The following SPATA6 variants were observed in gnomAD, a reference collection of about 807,000 sequenced individuals.
SPATA6 encodes the protein spermatogenesis associated 6, also known as spermatogenesis-associated protein 6.
In SPATA6, 56 loss-of-function variants were observed where a neutral mutation model predicts 65.3. The observed-to-expected ratio is 0.86, with a 90% CI of 0.69 to 1.07. The LOEUF (loss-of-function observed/expected upper bound fraction) is 1.07, where lower values mean the gene tolerates loss of function less well. Among genes scored for constraint, SPATA6 ranks in the 50% least tolerant of loss-of-function variants. The pLI is 0.00. For missense variants in SPATA6, 590 were observed against 594.8 expected, an observed-to-expected ratio of 0.99 and a Z score of 0.08; for synonymous variants, 199 against 213.2, an observed-to-expected ratio of 0.93 and a Z score of 0.58.
At chr1:48,318,844 T>C (rs1473835406) in intron 11 of SPATA6, among the ~76,000 whole-genome samples, 1 of 152,066 alleles carries the variant, frequency 6.6e-6, no homozygotes, top group East Asian at 1.9e-4. Context: ...GGTGGAAGAC[T>C]AACAATTCCT....
chr1:48,347,973 T>C (rs1646416672), intron 11 of SPATA6, among the ~76,000 whole-genome samples: 1 of 151,972 alleles, frequency 6.6e-6, no homozygotes, highest in Non-Finnish European at 1.5e-5. Context: ...CAAAGCATCC[T>C]TAAAAACCCT....
chr1:48,392,630 C>T (rs555523859), intron 8 of SPATA6, among the ~76,000 whole-genome samples: 16 of 152,024 alleles, frequency 1.1e-4, no homozygotes, highest in Middle Eastern at 3.4e-3. Flanking sequence ...TTCTCTAAAC[C>T]GCTGCCATTT....
intron 12 of SPATA6, 103 bp downstream of exon 12, chr1:48,305,684 C>A: frequency 1.2e-6 from 1 of 802,894 alleles, no homozygotes; most frequent in Non-Finnish European, 1.9e-6. Flanking sequence ...GAAATAAATA[C>A]TAATTATCCT....
At chr1:48,289,702 T>C in the SPATA6 span, among the ~76,000 whole-genome samples, 1 of 152,196 alleles carries the variant, frequency 6.6e-6, no homozygotes, top group Non-Finnish European at 1.5e-5. Context: ...ACTTGATGCA[T>C]GCACAAGCTT....
intron 6 of SPATA6, chr1:48,400,852 A>T (rs1040737975): frequency 3.2e-6 from 4 of 1,264,874 alleles, no homozygotes. Context: ...TTGTTCAATG[A>T]TTTCAAAAAG....
At chr1:48,411,652 C>T in intron 4 of SPATA6, 64 bp from the exon 5 acceptor site, 1 of 1,372,702 alleles carries the variant, frequency 7.3e-7, no homozygotes, top group South Asian at 2.0e-5. Flanking sequence ...ACAAAATCAT[C>T]AAGTATGATA....
Position 48,327,278 on chromosome 1 carries a change from A to C in SPATA6, c.1195-21400T>G, listed in dbSNP as rs186451241. Among the ~76,000 whole-genome samples the C allele has an allele frequency of 4.5e-3, 687 of 152,320 alleles. 4 individuals are homozygous for C. The highest frequency in any genetic ancestry group is 0.01 in the Middle Eastern group (3 of 294). On this transcript the variant is annotated intron_variant, in intron 11 of 12. Coordinates refer to ENST00000371847, the MANE Select transcript of SPATA6 (RefSeq NM_019073.4). ...CATCACTAATCATCAGAGAAATGCA[A>C]ATTAAAACCACAATGAGATATCATC... is the stretch of plus-strand genomic sequence containing the variant.
chr1:48,351,407 A>G (rs1203850241), intron 11 of SPATA6, among the ~76,000 whole-genome samples: 1 of 152,032 alleles, frequency 6.6e-6, no homozygotes, highest in East Asian at 1.9e-4. Flanking sequence ...TTTGAGAAAA[A>G]GTAATCAGTC....
chr1:48,440,656 G>A (rs1207219929), intron 3 of SPATA6, among the ~76,000 whole-genome samples: 2 of 152,166 alleles, frequency 1.3e-5, no homozygotes, highest in Non-Finnish European at 2.9e-5. Flanking sequence ...ATAACTCAGG[G>A]AAAGGAAGAA....
intron 11 of SPATA6, among the ~76,000 whole-genome samples, chr1:48,332,279 C>A (rs935842352): frequency 6.6e-6 from 1 of 152,076 alleles, no homozygotes; most frequent in Non-Finnish European, 1.5e-5. Flanking sequence ...TTAAAACGCA[C>A]AAAGTGGCTG....
chr1:48,325,738 T>A, intron 11 of SPATA6: 1 of 518,012 alleles, frequency 1.9e-6, no homozygotes, highest in Non-Finnish European at 3.7e-6. Context: ...ATGGCCCAAG[T>A]ATCTCGCGCA....
intron 3 of SPATA6, among the ~76,000 whole-genome samples, chr1:48,420,087 G>C (rs1252370229): frequency 2.0e-5 from 3 of 152,092 alleles, no homozygotes; most frequent in African/African-American, 7.2e-5. Context: ...GAGGAGAGAG[G>C]AGTGGAGGGT....
At chr1:48,283,229 T>C in the SPATA6 span, among the ~76,000 whole-genome samples, 1 of 151,022 alleles carries the variant, frequency 6.6e-6, no homozygotes, top group African/African-American at 2.4e-5. Context: ...ATATATCTAA[T>C]GCTAAATGAC....
chr1:48,396,884 T>C (rs1650645171), intron 7 of SPATA6, among the ~76,000 whole-genome samples: 1 of 151,668 alleles, frequency 6.6e-6, no homozygotes, highest in African/African-American at 2.4e-5. Flanking sequence ...TTAATGTTTC[T>C]AAACTACACA....
the SPATA6 span, among the ~76,000 whole-genome samples, chr1:48,286,792 T>G: frequency 6.6e-6 from 1 of 151,970 alleles, no homozygotes; most frequent in African/African-American, 2.4e-5. Flanking sequence ...TCCCAGCACT[T>G]TGGGGAGGTC....
At chr1:48,415,974 G>A (rs1652740664) in intron 3 of SPATA6, among the ~76,000 whole-genome samples, 1 of 152,138 alleles carries the variant, frequency 6.6e-6, no homozygotes, top group East Asian at 1.9e-4. Context: ...AGGCTGAGGA[G>A]CGTGGATTGC....
intron 3 of SPATA6, among the ~76,000 whole-genome samples, chr1:48,445,620 G>A (rs1042822417): frequency 1.1e-4 from 14 of 130,738 alleles, no homozygotes; most frequent in South Asian, 2.3e-4. Context: ...AGATCACGCC[G>A]CTGCACTCCA....
chr1:48,300,854 T>C (rs1358593863), intron 12 of SPATA6, among the ~76,000 whole-genome samples: 2 of 152,050 alleles, frequency 1.3e-5, no homozygotes, highest in African/African-American at 4.8e-5. Context: ...TTCAATACAA[T>C]TCAACATCCA....
At chr1:48,441,189 G>A (rs751186533) in intron 3 of SPATA6, among the ~76,000 whole-genome samples, 1 of 152,186 alleles carries the variant, frequency 6.6e-6, no homozygotes, top group Admixed American at 6.5e-5. Context: ...CAGGACTGAG[G>A]GTGCCCAGGG....
Sources: gnomAD v4.1 joint callset for allele counts (sites outside exome capture counted in the v4.1 genomes callset) on GRCh38, gnomAD v4.1.1 for gene constraint, MANE v1.5 for transcripts, NCBI Gene and HGNC (gene_info 2026-07-23, HGNC 2026-07-21) for gene names.